The following SS18 variants were observed in gnomAD, a reference collection of about 807,000 sequenced individuals.
The protein encoded by SS18 is SS18 subunit of BAF chromatin remodeling complex.
In SS18, 28 loss-of-function variants were observed where a neutral mutation model predicts 72.5. The ratio of observed to expected loss-of-function variants is 0.39; its 90% CI spans 0.29 to 0.53. The LOEUF (loss-of-function observed/expected upper bound fraction) is 0.53, where lower values mean the gene tolerates loss of function less well. Among genes scored for constraint, SS18 ranks in the 20% least tolerant of loss-of-function variants. The pLI is 0.76. For synonymous variants in SS18, 172 were observed against 164.2 expected (o/e 1.05, Z -0.37); for missense variants, 518 against 535.3 (o/e 0.97, Z 0.32).
chr18:26,084,803 C>T (rs1241499544), intron 2 of SS18, among the ~76,000 whole-genome samples: 1 of 152,082 alleles, frequency 6.6e-6, no homozygotes, highest in Non-Finnish European at 1.5e-5. Flanking sequence ...TTAAAGTATA[C>T]TTAGGAGACA....
intron 2 of SS18, 24 bp downstream of exon 2, chr18:26,087,473 TAAAA>T: frequency 7.3e-7 from 1 of 1,370,938 alleles, no homozygotes. Flanking sequence ...AAAAACTGAA[TAAAA>T]AAAAAGTTTC....
intron 4 of SS18, among the ~76,000 whole-genome samples, chr18:26,053,462 T>G (rs1331532070): frequency 6.6e-6 from 1 of 151,788 alleles, no homozygotes; most frequent in Non-Finnish European, 1.5e-5. Flanking sequence ...CCCTGAGCCA[T>G]AAAACATTGA....
chr18:26,079,408 C>T (rs192289479), intron 2 of SS18, among the ~76,000 whole-genome samples: 3 of 118,062 alleles, frequency 2.5e-5, no homozygotes, highest in Non-Finnish European at 3.4e-5. Flanking sequence ...TTAAAACCTG[C>T]ATCAAATTGT....
chr18:26,023,840 A>T (rs779912881), intron 10 of SS18, among the ~76,000 whole-genome samples: 36 of 151,732 alleles, frequency 2.4e-4, no homozygotes, highest in Non-Finnish European at 3.5e-4. Flanking sequence ...CAATTTAAAA[A>T]TTTTTTTTTC....
intron 1 of SS18, among the ~76,000 whole-genome samples, chr18:26,089,036 T>C (rs1173476318): frequency 6.6e-6 from 1 of 152,208 alleles, no homozygotes; most frequent in African/African-American, 2.4e-5. Context: ...CCTCAAACTA[T>C]TGAACTTCAC....
chr18:26,053,107 ACATAT>A (rs540043525), intron 4 of SS18, among the ~76,000 whole-genome samples: 22 of 152,320 alleles, frequency 1.4e-4, no homozygotes, highest in African/African-American at 5.1e-4. Context: ...AAAGAGCAAA[ACATAT>A]CATAAGGTTG....
intron 1 of SS18, among the ~76,000 whole-genome samples, chr18:26,088,616 A>G (rs561462688): frequency 6.6e-6 from 1 of 152,326 alleles, no homozygotes; most frequent in East Asian, 1.9e-4. Context: ...GGAGCTGAAG[A>G]AAGAGTACTG....
At position 26,090,611 on chromosome 18, in the gene SS18, G is replaced by C. The variant is rs374938234; in HGVS notation, c.-42C>G. On this transcript the variant is annotated 5_prime_UTR_variant, in exon 1 of 11. Transcript: ENST00000415083. ...CTATCGGCAAGTCCCGAGCGCTCCGGGTGAACGGCAAACTGGGGGAGAGAC... is the reference window on the plus strand; with the variant it reads ...CTATCGGCAAGTCCCGAGCGCTCCGCGTGAACGGCAAACTGGGGGAGAGAC... The C allele has an allele frequency of 6.5e-7, 1 of 1,546,284 alleles. No individual in the cohort carries two copies. The highest frequency in any genetic ancestry group is 8.7e-7 in the Non-Finnish European group (1 of 1,144,200).
intron 4 of SS18, among the ~76,000 whole-genome samples, chr18:26,056,380 G>A (rs539889064): frequency 2.0e-5 from 3 of 152,280 alleles, no homozygotes; most frequent in Admixed American, 1.3e-4. Context: ...ATGTGGACTT[G>A]GCAAGAAGCT....
intron 3 of SS18, among the ~76,000 whole-genome samples, chr18:26,060,180 G>A (rs2054093814): frequency 1.3e-5 from 2 of 152,136 alleles, no homozygotes; most frequent in African/African-American, 2.4e-5. Context: ...TAAACAAAAC[G>A]TGGCATATGA....
At chr18:26,066,891 G>A (rs996820456) in intron 3 of SS18, among the ~76,000 whole-genome samples, 2 of 152,112 alleles carry the variant, frequency 1.3e-5, no homozygotes, top group African/African-American at 4.8e-5. Flanking sequence ...AACGGCAGAA[G>A]TAATCACATC....
intron 6 of SS18, 88 bp downstream of exon 6, chr18:26,039,194 AAGAAAAC>A: frequency 1.1e-6 from 1 of 910,434 alleles, no homozygotes; most frequent in Admixed American, 3.3e-5. Context: ...AAAAAAAAAA[AAGAAAAC>A]GCCCTGACTT....
At chr18:26,023,223 A>G (rs1224139235) in intron 10 of SS18, among the ~76,000 whole-genome samples, 2 of 152,258 alleles carry the variant, frequency 1.3e-5, no homozygotes, top group Admixed American at 1.3e-4. Context: ...AGATTATTAG[A>G]GTTGGCAGAA....
chr18:26,085,213 G>A (rs965525496), intron 2 of SS18, among the ~76,000 whole-genome samples: 3 of 152,080 alleles, frequency 2.0e-5, no homozygotes, highest in South Asian at 2.1e-4. Context: ...TGTTGGCGGC[G>A]TTAAGTAGAA....
chr18:26,035,470 G>A lies in SS18; in HGVS notation c.974-343C>T, dbSNP rs563812796. On this transcript the variant is annotated intron_variant, in intron 8 of 10. Transcript: ENST00000415083. This position sits in a 1 kb window ranked among gnomAD's most constrained non-coding sequence, Gnocchi z 4.4. ...CTACAAGAGCACACACTAGCTACAC[G>A]AGATCAGCAAGCTGTTTCCTAAAGG... The A allele has an allele frequency of 2.1e-5, 6 of 290,160 alleles. No homozygotes were observed. The highest frequency in any genetic ancestry group is 2.0e-4 in the East Asian group (3 of 15,300). The allele number at this position is 290,160 out of a possible 1,614,324, so 18.0% of individuals were successfully genotyped here.
intron 2 of SS18, chr18:26,081,147 T>C (rs1051692278): frequency 4.6e-5 from 7 of 152,132 alleles, no homozygotes; most frequent in African/African-American, 1.7e-4. Context: ...TCAGTATGTT[T>C]ATTTTCTGTA....
At position 26,016,738 on chromosome 18, in the gene SS18, AG is replaced by A. The variant is rs754409125; in HGVS notation, c.*1615del. On this transcript the variant is annotated 3_prime_UTR_variant, in exon 11 of 11. Coordinates refer to ENST00000415083, the MANE Select transcript of SS18 (RefSeq NM_001007559.3). The stretch of plus-strand genomic sequence containing the variant: ...GACTCCATCTCAAAAAAAAAAACAA[AG>A]AACAAAAAACAAAAACAAAAAAACC... 4 of 225,704 alleles carry A rather than the reference AG, an allele frequency of 1.8e-5. No individual in the cohort carries two copies. Among genetic ancestry groups the A allele is most frequent in the African/African-American group, 6.7e-5 (3 of 44,890 alleles). 14.0% of individuals were successfully genotyped at this position (225,704 alleles called of 1,614,324 possible).
chr18:26,075,738 A>T (rs1393792594), intron 3 of SS18, among the ~76,000 whole-genome samples: 1 of 151,936 alleles, frequency 6.6e-6, no homozygotes, highest in Non-Finnish European at 1.5e-5. Context: ...CCAGAGAAGT[A>T]AGGCAAGAAA....
At chr18:26,072,297 T>G (rs956090320) in intron 3 of SS18, among the ~76,000 whole-genome samples, 1 of 151,512 alleles carries the variant, frequency 6.6e-6, no homozygotes, top group African/African-American at 2.4e-5. Context: ...AATTAATTAT[T>G]GGCCGGGCAC....
Sources: gnomAD v4.1 joint callset for allele counts (sites outside exome capture counted in the v4.1 genomes callset) on GRCh38, gnomAD v4.1.1 for gene constraint, Gnocchi (gnomAD v3.1) non-coding constraint, MANE v1.5 for transcripts, NCBI Gene and HGNC (gene_info 2026-07-23, HGNC 2026-07-21) for gene names.